Variants in DMRTB1 observed in about 807,000 individuals in gnomAD.
DMRTB1 encodes the protein DMRT like family B with proline rich C-terminal 1.
Under a neutral mutation model 25.2 loss-of-function variants are expected in DMRTB1, and 9 were observed. The ratio of observed to expected loss-of-function variants is 0.36; its 90% CI spans 0.22 to 0.62. The LOEUF (loss-of-function observed/expected upper bound fraction) is 0.62, where lower values mean the gene tolerates loss of function less well. Among genes scored for constraint, DMRTB1 ranks in the 20% least tolerant of loss-of-function variants. The pLI is 0.71. For missense variants in DMRTB1, 551 were observed against 499.3 expected (o/e 1.10, Z -0.99); for synonymous variants, 269 against 238.1 (o/e 1.13, Z -1.20).
rs749094517 is a variant in DMRTB1 at position 53,459,619 on chromosome 1, C to T, written c.166C>T (p.Leu56Phe). The T allele has an allele frequency of 5.1e-6, 8 of 1,577,226 alleles. No individual in the cohort carries two copies. The highest frequency in any genetic ancestry group is 1.8e-4 in the Middle Eastern group (1 of 5,524). Residue 56 changes from leucine to phenylalanine, a missense_variant, in exon 1 of 4, where the codon CTC becomes TTC. Transcript: ENST00000371445. ...RQKIMAAQKV[L>F]KTQAAEEEQE... ...GAAGATCATGGCCGCGCAGAAGGTG[C>T]TCAAGACGCAGGCCGCCGAGGAGGA...
chr1:53,465,444 G>C (rs1644045666), intron 3 of DMRTB1, among the ~76,000 whole-genome samples: 2 of 152,232 alleles, frequency 1.3e-5, no homozygotes, highest in South Asian at 4.1e-4. Flanking sequence ...GTTACTGTGA[G>C]GGTCGAAGAA....
At chr1:53,465,019 C>T (rs1404918703) in intron 3 of DMRTB1, among the ~76,000 whole-genome samples, 172 bp downstream of exon 3, 2 of 152,208 alleles carry the variant, frequency 1.3e-5, no homozygotes, top group African/African-American at 4.8e-5. Context: ...CCCATAGGCA[C>T]ACATCTAAGG....
At position 53,464,702 on chromosome 1, in the gene DMRTB1, G is replaced by GCCCCTTCCA; in HGVS notation, c.819_827dup (p.Leu277_Pro279dup). The GCCCCTTCCA allele has an allele frequency of 1.2e-6, 2 of 1,613,106 alleles. No homozygotes were observed. Among genetic ancestry groups the GCCCCTTCCA allele is most frequent in the Non-Finnish European group, 8.5e-7 (1 of 1,179,616 alleles). On this transcript the variant is annotated inframe_insertion, in exon 3 of 4. Coordinates refer to ENST00000371445, the MANE Select transcript of DMRTB1 (RefSeq NM_033067.3). Reference sequence around the variant, plus strand: ...TGCCGCCGCCGCCGCCGCCACTGCCGCCCCTTCCACCGCTTCCACCGCAGC... The same window carrying GCCCCTTCCA: ...TGCCGCCGCCGCCGCCGCCACTGCCGCCCCTTCCACCCCTTCCACCGCTTCCACCGCAGC...
rs1644007888 is a variant in DMRTB1, at chr1:53,459,758, C to T, written c.305C>T (p.Thr102Ile). Residue 102 changes from threonine (T) to isoleucine (I), a missense_variant, in exon 1 of 4, where the codon ACT (threonine) becomes ATT (isoleucine). Thr to Ile is a moderately conservative substitution (Grantham distance 89, BLOSUM62 -1). Transcript: ENST00000371445. Reference sequence around the variant, plus strand: ...AGCCTCCGCCCGCTGTCCCCGGGGACTCCCTCCGGAGACGCCGACCCGGGA... The same window carrying T: ...AGCCTCCGCCCGCTGTCCCCGGGGATTCCCTCCGGAGACGCCGACCCGGGA... ...AASLRPLSPG[T>I]PSGDADPGPE... 1 of 1,365,748 alleles carries T rather than the reference C, an allele frequency of 7.3e-7. No homozygotes were observed. The highest frequency in any genetic ancestry group is 9.4e-7 in the Non-Finnish European group (1 of 1,062,372). The allele number at this position is 1,365,748 out of a possible 1,614,324, so 84.6% of individuals were successfully genotyped here.
chr1:53,465,254 G>T (rs541616000), intron 3 of DMRTB1, among the ~76,000 whole-genome samples: 4 of 152,334 alleles, frequency 2.6e-5, no homozygotes, highest in Non-Finnish European at 1.5e-5. Flanking sequence ...TAGGGGAGCA[G>T]ATGGAGAGAC....
At position 53,461,602 on chromosome 1, in the gene DMRTB1, G is replaced by A. The variant is rs150761078; in HGVS notation, c.707G>A (p.Gly236Asp). 3.7e-6 allele frequency: 6 copies of A among 1,609,504 alleles called. No individual in the cohort carries two copies. Among genetic ancestry groups the A allele is most frequent in the Non-Finnish European group, 5.1e-6 (6 of 1,178,394 alleles). ...CCTCCTGGCGTCCCCCTGCAGCAGG[G>A]CTTCCGGCATGTGTCCCGCAGCCAG... Reference protein sequence around the residue: ...DAPPGVPLQQGFRHVSRSQYQ... With the variant: ...DAPPGVPLQQDFRHVSRSQYQ... Residue 236 changes from glycine to aspartate, a missense_variant, in exon 2 of 4, where the codon GGC becomes GAC. Physicochemically the swap from Gly to Asp is moderately conservative, Grantham distance 94. Transcript: ENST00000371445.
intron 1 of DMRTB1, among the ~76,000 whole-genome samples, chr1:53,460,753 T>C (rs188558860): frequency 0.017 from 2,611 of 152,306 alleles, 21 homozygotes; most frequent in Non-Finnish European, 0.029. Context: ...GCGGACGCGT[T>C]TTCCTGGTGT....
rs762119432 is a variant in DMRTB1 at position 53,459,624 on chromosome 1, G to C, written c.171G>C (p.Lys57Asn). The part of the protein sequence containing the change: ...QKIMAAQKVL[K>N]TQAAEEEQEA... ...TCATGGCCGCGCAGAAGGTGCTCAA[G>C]ACGCAGGCCGCCGAGGAGGAGCAGG... is the stretch of plus-strand genomic sequence containing the variant. Residue 57 changes from lysine to asparagine, a missense_variant, in exon 1 of 4, where the codon AAG becomes AAC. By Grantham distance (94) the Lys-to-Asn change is moderately conservative. Transcript: ENST00000371445. 3.2e-6 allele frequency: 5 copies of C among 1,570,884 alleles called. No homozygotes were observed. Among genetic ancestry groups the C allele is most frequent in the Non-Finnish European group, 4.3e-6 (5 of 1,158,950 alleles).
chr1:53,465,800 T>C (rs1644047086), intron 3 of DMRTB1, among the ~76,000 whole-genome samples: 1 of 152,266 alleles, frequency 6.6e-6, no homozygotes, highest in African/African-American at 2.4e-5. Flanking sequence ...TGCCCAGCTG[T>C]GTAACTTGAG....
At position 53,459,514 on chromosome 1, in the gene DMRTB1, G is replaced by A. The variant is rs1407839101; in HGVS notation, c.61G>A (p.Val21Met). 1 of 1,613,246 alleles carries A rather than the reference G, an allele frequency of 6.2e-7. No homozygotes were observed. Among genetic ancestry groups the A allele is most frequent in the Non-Finnish European group, 8.5e-7 (1 of 1,180,008 alleles). ...GAGATGCAGGAACCATGGCTTCCTG[G>A]TGCCCGTCAAGGGACACGCGGGCAA... ...CSRCRNHGFL[V>M]PVKGHAGKCR... The change falls in exon 1 of 4, where the codon GTG (valine) becomes ATG (methionine). Residue 21 changes from valine (V) to methionine (M), a missense_variant. Coordinates refer to ENST00000371445, the MANE Select transcript of DMRTB1 (RefSeq NM_033067.3).
Position 53,464,676 on chromosome 1 carries a change from C to T in DMRTB1, c.790C>T (p.Leu264=). The stretch of plus-strand genomic sequence containing the variant: ...AGGAGACTTCCAGCCAAGCTACTAC[C>T]TGCCGCCGCCGCCGCCGCCACTGCC... ...PGGDFQPSYY[L]PPPPPPLPPL... is the part of the protein sequence containing the mutation. Residue 264 remains leucine (L), a synonymous_variant, in exon 3 of 4, where the codon CTG becomes TTG. Coordinates refer to ENST00000371445, the MANE Select transcript of DMRTB1 (RefSeq NM_033067.3). 6.2e-7 allele frequency: 1 copy of T among 1,613,722 alleles called. No homozygotes were observed. Among genetic ancestry groups the T allele is most frequent in the South Asian group, 1.1e-5 (1 of 91,062 alleles).
rs546556173 is a variant in DMRTB1 at position 53,463,514 on chromosome 1, G to A, written c.751-1123G>A. Among the ~76,000 whole-genome samples, 4 of 152,302 alleles carry A rather than the reference G, an allele frequency of 2.6e-5. No homozygotes were observed. The South Asian group carries it at 6.2e-4, about 24-fold the overall frequency. ...TAGGGCTCCTGAGAATAGATAAGGC[G>A]ATGCATGTAAAATACCTAGCACAGG... On this transcript the variant is annotated intron_variant, in intron 2 of 3. Transcript: ENST00000371445.
intron 1 of DMRTB1, 110 bp downstream of exon 1, chr1:53,460,140 T>C: frequency 7.4e-7 from 1 of 1,344,192 alleles, no homozygotes; most frequent in Non-Finnish European, 9.6e-7. Context: ...TTTCCACGGG[T>C]AACGGACCTT....
chr1:53,460,797 G>A (rs951012701), intron 1 of DMRTB1, among the ~76,000 whole-genome samples: 2 of 152,226 alleles, frequency 1.3e-5, no homozygotes, highest in African/African-American at 4.8e-5. Flanking sequence ...ACGGGCTCAG[G>A]CCGAGGCGGG....
At chr1:53,464,348 G>C (rs1293278729) in intron 2 of DMRTB1, among the ~76,000 whole-genome samples, 1 of 152,174 alleles carries the variant, frequency 6.6e-6, no homozygotes, top group East Asian at 1.9e-4. Context: ...CACCGCCTAG[G>C]ATTCTGAGCA....
In DMRTB1 at chr1:53,460,067, A is replaced by G; in HGVS notation, c.577+37A>G. ...CCTTGGTCCCGCGGTCGACTCCCGG[A>G]GCTGGCAGCCCAGGCCAGCCCGGAT... is the stretch of plus-strand genomic sequence containing the variant. On this transcript the variant is annotated intron_variant, in intron 1 of 3. Coordinates refer to ENST00000371445, the MANE Select transcript of DMRTB1 (RefSeq NM_033067.3). The G allele has an allele frequency of 2.6e-6, 4 of 1,520,904 alleles. No individual in the cohort carries two copies. In the East Asian group the frequency reaches 7.8e-5, roughly 30 times the overall value. The allele number at this position is 1,520,904 out of a possible 1,614,324, so 94.2% of individuals were successfully genotyped here.
rs1438739453 is a variant in DMRTB1, at chr1:53,459,476, C to T, written c.23C>T (p.Thr8Ile). The T allele has an allele frequency of 2.5e-6, 4 of 1,613,112 alleles. No homozygotes were observed. The highest frequency in any genetic ancestry group is 3.4e-6 in the Non-Finnish European group (4 of 1,179,978). Residue 8 changes from threonine to isoleucine, a missense_variant, in exon 1 of 4, where the codon ACC (threonine) becomes ATC (isoleucine). By Grantham distance (89) the Thr-to-Ile change is moderately conservative (BLOSUM62 -1). Coordinates refer to ENST00000371445, the MANE Select transcript of DMRTB1 (RefSeq NM_033067.3). ...CCAATGGCCGACAAAATGGTGCGCA[C>T]CCCCAAGTGCTCGAGATGCAGGAAC... MADKMVR[T>I]PKCSRCRNHG...
At chr1:53,462,623 T>C (rs575355608) in intron 2 of DMRTB1, among the ~76,000 whole-genome samples, 21 of 152,302 alleles carry the variant, frequency 1.4e-4, no homozygotes, top group African/African-American at 5.1e-4. Flanking sequence ...TTATACCCCA[T>C]TGTAGCATCG....
At position 53,460,002 on chromosome 1, in the gene DMRTB1, C is replaced by T. The variant is rs769105414; in HGVS notation, c.549C>T (p.Thr183=). 6 of 1,583,224 alleles carry T rather than the reference C, an allele frequency of 3.8e-6. No homozygotes were observed. In the African/African-American group the frequency reaches 4.1e-5, roughly 11 times the overall value. The part of the protein sequence containing the change: ...GPLDLRRPMR[T]VPGPLFTDFV... Reference sequence around the variant, plus strand: ...TAGACCTGCGCAGGCCGATGCGGACCGTGCCCGGCCCACTGTTCACCGACT... The same window carrying T: ...TAGACCTGCGCAGGCCGATGCGGACTGTGCCCGGCCCACTGTTCACCGACT... The change falls in exon 1 of 4, where the codon ACC becomes ACT. Residue 183 remains threonine (T), a synonymous_variant. Coordinates refer to ENST00000371445, the MANE Select transcript of DMRTB1 (RefSeq NM_033067.3).
Sources: allele counts gnomAD v4.1 joint callset (sites outside exome capture counted in the v4.1 genomes callset), GRCh38; gene constraint gnomAD v4.1.1; transcripts MANE v1.5; gene names NCBI Gene and HGNC (gene_info 2026-07-23, HGNC 2026-07-21).